Variants in SEMA3C observed in about 807,000 individuals in gnomAD.
The protein encoded by SEMA3C is semaphorin 3C, also known as semaphorin-3C.
SEMA3C carries 47 observed loss-of-function variants against 89.4 expected under a neutral mutation model. The observed-to-expected ratio is 0.53, with a 90% CI of 0.42 to 0.67. SEMA3C has a LOEUF of 0.67. Ranked by LOEUF, SEMA3C falls within the 30% of genes least tolerant of loss-of-function variation. SEMA3C has a pLI of 0.00. For missense variants in SEMA3C, 839 were observed against 929.1 expected, an observed-to-expected ratio of 0.90 and a Z score of 1.26; for synonymous variants, 310 against 320.2, an observed-to-expected ratio of 0.97 and a Z score of 0.34.
At chr7:80,798,287 C>T in intron 10 of SEMA3C, 51 bp from the exon 11 acceptor site, 1 of 1,286,710 alleles carries the variant, frequency 7.8e-7, no homozygotes, top group Non-Finnish European at 1.0e-6. Flanking sequence ...AATTAAAATA[C>T]AATTTAAAAA....
chr7:80,759,384 C>T (rs538102550), intron 14 of SEMA3C, among the ~76,000 whole-genome samples: 3 of 152,076 alleles, frequency 2.0e-5, no homozygotes, highest in Non-Finnish European at 4.4e-5. Flanking sequence ...AAAATTAAAT[C>T]TCTGGAGACA....
intron 2 of SEMA3C, among the ~76,000 whole-genome samples, chr7:80,862,668 G>A (rs545300218): frequency 2.6e-5 from 4 of 152,216 alleles, no homozygotes; most frequent in South Asian, 4.2e-4. Flanking sequence ...AAATCTTGAG[G>A]AATCACTCTA....
intron 8 of SEMA3C, among the ~76,000 whole-genome samples, 192 bp downstream of exon 8, chr7:80,803,914 T>C (rs1789273822): frequency 6.6e-6 from 1 of 152,018 alleles, no homozygotes; most frequent in Non-Finnish European, 1.5e-5. Context: ...AGAATTTGGG[T>C]TGGGGTTATA....
At position 80,824,529 on chromosome 7, in the gene SEMA3C, C is replaced by T. The variant is rs372576388; in HGVS notation, c.327+2896G>A. ...GAAGAGAGAGAGGGTACAACTTTTT[C>T]GAATTTCAGTATCATTGAAATAAAA... On this transcript the variant is annotated intron_variant, in intron 4 of 17. Coordinates refer to ENST00000265361, the MANE Select transcript of SEMA3C (RefSeq NM_006379.5). Among the ~76,000 whole-genome samples the T allele has an allele frequency of 5.9e-5, 9 of 152,196 alleles. No homozygotes were observed. The East Asian group carries it at 7.7e-4, about 13-fold the overall frequency.
intron 11 of SEMA3C, among the ~76,000 whole-genome samples, chr7:80,797,801 CA>C (rs1447079211): frequency 6.6e-6 from 1 of 152,122 alleles, no homozygotes; most frequent in African/African-American, 2.4e-5. Context: ...AGTTCGAGAC[CA>C]GCCTGACCAA....
chr7:80,785,504 T>G (rs2117100581), intron 12 of SEMA3C, among the ~76,000 whole-genome samples: 1 of 152,284 alleles, frequency 6.6e-6, no homozygotes, highest in East Asian at 1.9e-4. Flanking sequence ...AAGAAATGTT[T>G]TCTCCTTCCC....
At chr7:80,826,541 T>A (rs570660931) in intron 4 of SEMA3C, among the ~76,000 whole-genome samples, 1 of 152,270 alleles carries the variant, frequency 6.6e-6, no homozygotes, top group African/African-American at 2.4e-5. Flanking sequence ...GCACCAATTA[T>A]GTCTTTGGCA....
In SEMA3C at chr7:80,812,961, ATTTTTTTT is replaced by A. The variant is rs1215661147; in HGVS notation, c.448-2268_448-2261del. ...ACCACCACGCCTGGCTATTTTTTGT[ATTTTTTTT>A]TTTTTTTTTTTTTTTTAATAGAGAC... On this transcript the variant is annotated intron_variant, in intron 5 of 17. Coordinates refer to ENST00000265361, the MANE Select transcript of SEMA3C (RefSeq NM_006379.5). 1.6e-3 allele frequency among the ~76,000 whole-genome samples: 144 copies of A among 92,494 alleles called. 1 individual carries two copies. The East Asian group carries it at 0.023, about 15-fold the overall frequency. The allele number at this position is 92,494 out of a possible 152,430, so 60.7% of individuals were successfully genotyped here. A position where few individuals can be genotyped will look rare whatever the true frequency, so the allele number is the denominator to read the frequency against.
intron 15 of SEMA3C, among the ~76,000 whole-genome samples, chr7:80,754,957 G>GTTTTTTTTTTGTTTTTTTTTTGT (rs1449995090): frequency 4.6e-4 from 50 of 108,368 alleles, no homozygotes; most frequent in African/African-American, 7.4e-4. Context: ...GTTTTTTTTT[G>GTTTTTTTTTTGTTTTTTTTTTGT]TTTTTTTTTT....
intron 2 of SEMA3C, among the ~76,000 whole-genome samples, chr7:80,902,959 C>G (rs1353832573): frequency 6.6e-6 from 1 of 152,168 alleles, no homozygotes; most frequent in Non-Finnish European, 1.5e-5. Flanking sequence ...AGAGCATAAG[C>G]CCGCTGAATT....
At chr7:80,846,659 A>T (rs1181567419) in intron 2 of SEMA3C, among the ~76,000 whole-genome samples, 1 of 152,114 alleles carries the variant, frequency 6.6e-6, no homozygotes, top group Non-Finnish European at 1.5e-5. Context: ...GGCTTAATTG[A>T]TACTACTATC....
At chr7:80,865,807 A>G (rs779472524) in intron 2 of SEMA3C, among the ~76,000 whole-genome samples, 23 of 152,192 alleles carry the variant, frequency 1.5e-4, no homozygotes, top group Non-Finnish European at 2.9e-4. Flanking sequence ...AAAAAATAAA[A>G]TAAAAAAGAA....
At chr7:80,868,895 C>T (rs954460082) in intron 2 of SEMA3C, among the ~76,000 whole-genome samples, 8 of 152,146 alleles carry the variant, frequency 5.3e-5, no homozygotes, top group Non-Finnish European at 7.3e-5. Flanking sequence ...GACTTGCCCA[C>T]ATTAAATGCA....
In SEMA3C at chr7:80,804,962, T is replaced by C. The variant is rs183928190; in HGVS notation, c.658+677A>G. ...CAGGGTGAAATGACAAGAATCTTCG[T>C]TTTTTGTTTTTGTTTTTGTTTTTTT... On this transcript the variant is annotated intron_variant, in intron 7 of 17. Transcript: ENST00000265361. Among the ~76,000 whole-genome samples the C allele has an allele frequency of 1.3e-3, 195 of 152,182 alleles. 1 individual carries two copies. Among genetic ancestry groups the C allele is most frequent in the Non-Finnish European group, 2.1e-4 (14 of 67,960 alleles).
intron 12 of SEMA3C, among the ~76,000 whole-genome samples, chr7:80,787,265 G>A (rs751391144): frequency 4.6e-5 from 7 of 151,906 alleles, no homozygotes; most frequent in South Asian, 4.1e-4. Context: ...GGTGGCATGC[G>A]CTTGTAATCC....
intron 2 of SEMA3C, among the ~76,000 whole-genome samples, chr7:80,832,115 AAAAGC>A (rs767368280): frequency 2.0e-5 from 3 of 152,270 alleles, no homozygotes; most frequent in South Asian, 2.1e-4. Flanking sequence ...AGTATATCTA[AAAAGC>A]AAAGCAAAGC....
chr7:80,831,120 T>C (rs569788115), intron 2 of SEMA3C, among the ~76,000 whole-genome samples: 1 of 152,316 alleles, frequency 6.6e-6, no homozygotes, highest in South Asian at 2.1e-4. Context: ...GGAATACACA[T>C]TCAACAAATA....
intron 2 of SEMA3C, among the ~76,000 whole-genome samples, chr7:80,866,195 G>A (rs991928652): frequency 6.6e-6 from 1 of 152,008 alleles, no homozygotes; most frequent in African/African-American, 2.4e-5. Context: ...TGCATATAAG[G>A]AAACTGATTC....
intron 2 of SEMA3C, among the ~76,000 whole-genome samples, chr7:80,887,373 TTC>T (rs1791508794): frequency 6.6e-6 from 1 of 152,166 alleles, no homozygotes; most frequent in Admixed American, 6.5e-5. Context: ...CTCTGTGAGT[TTC>T]TCTCATGAGT....
Sources: allele counts gnomAD v4.1 joint callset (sites outside exome capture counted in the v4.1 genomes callset), GRCh38; gene constraint gnomAD v4.1.1; transcripts MANE v1.5; gene names NCBI Gene and HGNC (gene_info 2026-07-23, HGNC 2026-07-21).